COL4A1: variants seen among roughly 807,000 people sequenced by gnomAD.
The protein encoded by COL4A1 is collagen alpha-1(IV) chain.
A neutral mutation model predicts 216.6 loss-of-function variants in COL4A1; 40 were observed. The observed-to-expected ratio is 0.18, with a 90% confidence interval of 0.14 to 0.24. The LOEUF (loss-of-function observed/expected upper bound fraction) is 0.24, where lower values mean the gene tolerates loss of function less well. COL4A1 is among the 10% of genes least tolerant of loss of function. The probability of loss-of-function intolerance (pLI) is 1.00; values close to 1 mark genes in which losing one functional copy is unlikely to be tolerated. For missense variants in COL4A1, 1,628 were observed against 2,196.8 expected, an observed-to-expected ratio of 0.74 and a Z score of 5.18; for synonymous variants, 839 against 810.7, an observed-to-expected ratio of 1.03 and a Z score of -0.59.
In COL4A1 at chr13:110,150,283, T is replaced by C. The variant is rs1876436620; in HGVS notation, c.*80A>G. On this transcript the variant is annotated 3_prime_UTR_variant, in exon 52 of 52. Coordinates refer to ENST00000375820, the MANE Select transcript of COL4A1 (RefSeq NM_001845.6). ...ATATTGGACAGTGAGGTACACAGGA[T>C]ATATTTCTAGGGTTCGTTGCTGTTA... 1 of 1,318,402 alleles carries C rather than the reference T, an allele frequency of 7.6e-7. No individual in the cohort carries two copies. The allele number at this position is 1,318,402 out of a possible 1,614,324, so 81.7% of individuals were successfully genotyped here.
chr13:110,264,104 G>A (rs1350044883), intron 1 of COL4A1, among the ~76,000 whole-genome samples: 1 of 152,064 alleles, frequency 6.6e-6, no homozygotes, highest in South Asian at 2.1e-4. Context: ...CCCAGACTGC[G>A]TCCCCAACCC....
chr13:110,277,213 T>A (rs747135825), intron 1 of COL4A1, among the ~76,000 whole-genome samples: 19 of 152,372 alleles, frequency 1.2e-4, no homozygotes, highest in Non-Finnish European at 2.5e-4. Flanking sequence ...TCTCTTAAGC[T>A]ATTTTTATTG....
chr13:110,154,211 C>T (rs886622038), intron 50 of COL4A1, among the ~76,000 whole-genome samples: 2 of 152,186 alleles, frequency 1.3e-5, no homozygotes, highest in East Asian at 1.9e-4. Context: ...TGGGAATTGG[C>T]AAATTCCGGG....
chr13:110,154,660 T>TAC (rs1876681201), intron 50 of COL4A1, among the ~76,000 whole-genome samples: 1 of 152,284 alleles, frequency 6.6e-6, no homozygotes, highest in Non-Finnish European at 1.5e-5. Flanking sequence ...AAGCTGCTCA[T>TAC]AGAGAGAAGC....
At chr13:110,264,114 C>T (rs1882933684) in intron 1 of COL4A1, among the ~76,000 whole-genome samples, 1 of 152,178 alleles carries the variant, frequency 6.6e-6, no homozygotes, top group Non-Finnish European at 1.5e-5. Context: ...GTCCCCAACC[C>T]CTCCCAGCCA....
intron 1 of COL4A1, among the ~76,000 whole-genome samples, chr13:110,254,246 T>C (rs1882413917): frequency 6.6e-6 from 1 of 152,170 alleles, no homozygotes. Flanking sequence ...TATTGTCACA[T>C]TAAGCGAGAA....
chr13:110,256,499 G>A (rs1355685646), intron 1 of COL4A1, among the ~76,000 whole-genome samples: 1 of 152,172 alleles, frequency 6.6e-6, no homozygotes, highest in African/African-American at 2.4e-5. Flanking sequence ...TCAGAGCCCA[G>A]AACCACAGGG....
intron 44 of COL4A1, among the ~76,000 whole-genome samples, chr13:110,166,649 A>G (rs549088703): frequency 1.3e-5 from 2 of 152,330 alleles, no homozygotes; most frequent in Non-Finnish European, 1.5e-5. Context: ...TCTAGAACCC[A>G]GAAGCTACAT....
chr13:110,207,445 A>G lies in COL4A1; in HGVS notation c.738T>C (p.Ala246=). 1 of 1,613,964 alleles carries G rather than the reference A, an allele frequency of 6.2e-7. No individual in the cohort carries two copies. Among genetic ancestry groups the G allele is most frequent in the Non-Finnish European group, 8.5e-7 (1 of 1,180,000 alleles). Residue 246 remains alanine, a synonymous_variant, in exon 13 of 52, where the codon GCT becomes GCC. Coordinates refer to ENST00000375820, the MANE Select transcript of COL4A1 (RefSeq NM_001845.6). This position sits in a 1 kb window ranked among gnomAD's most constrained non-coding sequence, Gnocchi z 4.4. ...CGAAGTCTCCTTTTTCTTGAACTTGAGCTTGTCCTGGTACTCCTGGAGGCC... is the reference window on the plus strand; with the variant it reads ...CGAAGTCTCCTTTTTCTTGAACTTGGGCTTGTCCTGGTACTCCTGGAGGCC... ...VSGPPGVPGQ[A]QVQEKGDFAT...
In COL4A1 at chr13:110,178,989, C is replaced by G. The variant is rs146950993; in HGVS notation, c.2392G>C (p.Val798Leu). The change falls in exon 31 of 52, where the codon GTT becomes CTT. Residue 798 changes from valine to leucine, a missense_variant. By Grantham distance (32) the Val-to-Leu change is conservative (BLOSUM62 1). Around this residue, in one of 8 missense-constraint regions of COL4A1, gnomAD observed 701 missense variants for 892.5 expected, o/e 0.79. Coordinates refer to ENST00000375820, the MANE Select transcript of COL4A1 (RefSeq NM_001845.6). ...GLPGSVGSPG[V>L]PGIGPPGARG... ...GCTCCAGGGGGGCCTATTCCTGGAACTCCTGGAGACCCCACGGAGCCTGGC... is the reference window on the plus strand; with the variant it reads ...GCTCCAGGGGGGCCTATTCCTGGAAGTCCTGGAGACCCCACGGAGCCTGGC... 185 of 1,612,234 alleles carry G rather than the reference C, an allele frequency of 1.1e-4. 1 individual carries two copies. The African/African-American group carries it at 1.7e-3, about 14-fold the overall frequency.
At chr13:110,291,608 C>A (rs1884092226) in intron 1 of COL4A1, among the ~76,000 whole-genome samples, 1 of 152,182 alleles carries the variant, frequency 6.6e-6, no homozygotes, top group South Asian at 2.1e-4. Flanking sequence ...GCTGAAAATG[C>A]AATGGCCTTC....
At chr13:110,219,658 A>ATG (rs1423332526) in intron 2 of COL4A1, among the ~76,000 whole-genome samples, 4 of 101,572 alleles carry the variant, frequency 3.9e-5, no homozygotes, top group South Asian at 3.3e-4. Context: ...ATATATATAT[A>ATG]TATGTATATA....
intron 1 of COL4A1, chr13:110,305,952 C>G (rs1273547230): frequency 6.6e-6 from 1 of 152,044 alleles, no homozygotes; most frequent in Non-Finnish European, 1.5e-5. Context: ...TGGTAAGTAG[C>G]AAAAATCATT....
At chr13:110,231,503 C>T (rs1881061469) in intron 2 of COL4A1, among the ~76,000 whole-genome samples, 1 of 152,186 alleles carries the variant, frequency 6.6e-6, no homozygotes, top group Admixed American at 6.5e-5. Flanking sequence ...CAATTTCTTC[C>T]CATTGGACAT....
chr13:110,218,357 T>C (rs556568000), intron 2 of COL4A1, among the ~76,000 whole-genome samples: 1 of 152,270 alleles, frequency 6.6e-6, no homozygotes, highest in South Asian at 2.1e-4. Context: ...GGGCTTCCTC[T>C]ACGCACGGAA....
intron 20 of COL4A1, among the ~76,000 whole-genome samples, chr13:110,200,359 C>T (rs1879129282): frequency 6.6e-6 from 1 of 152,218 alleles, no homozygotes; most frequent in East Asian, 1.9e-4. Context: ...CCCTGAGGAG[C>T]CCCGGGGTCC....
chr13:110,249,119 T>C (rs950881447), intron 1 of COL4A1, among the ~76,000 whole-genome samples: 9 of 152,082 alleles, frequency 5.9e-5, no homozygotes, highest in Non-Finnish European at 1.0e-4. Context: ...TCCCATCATA[T>C]GAAATTCAAG....
At chr13:110,155,245 C>T (rs755011148) in intron 50 of COL4A1, 38 bp downstream of exon 50, 115 of 1,496,004 alleles carry the variant, frequency 7.7e-5, no homozygotes, top group Middle Eastern at 3.4e-4. Context: ...GTGAGTGGGG[C>T]TCTTCCCGGG....
At chr13:110,238,078 A>G (rs1459245004) in intron 2 of COL4A1, among the ~76,000 whole-genome samples, 1 of 152,242 alleles carries the variant, frequency 6.6e-6, no homozygotes, top group African/African-American at 2.4e-5. Flanking sequence ...CTATCTGATG[A>G]CAATATTATT....
Sources: allele counts gnomAD v4.1 joint callset (sites outside exome capture counted in the v4.1 genomes callset), GRCh38; gene constraint gnomAD v4.1.1; regional missense constraint gnomAD v4.1.1; non-coding constraint Gnocchi (gnomAD v3.1); transcripts MANE v1.5; gene names NCBI Gene and HGNC (gene_info 2026-07-23, HGNC 2026-07-21).